LIMCH1: variants seen among roughly 807,000 people sequenced by gnomAD.
LIMCH1 encodes LIM and calponin homology domains-containing protein 1.
LIMCH1 carries 113 observed loss-of-function variants against 176.5 expected under a neutral mutation model. That is an observed-to-expected ratio of 0.64 (90% CI 0.55 to 0.75). The LOEUF (loss-of-function observed/expected upper bound fraction) is 0.75. LIMCH1 is among the 30% of genes least tolerant of loss of function. The pLI is 0.00. For missense variants in LIMCH1, 1,674 were observed against 1,814.9 expected, an observed-to-expected ratio of 0.92 and a Z score of 1.41; for synonymous variants, 619 against 645.9, an observed-to-expected ratio of 0.96 and a Z score of 0.63.
intron 1 of LIMCH1, among the ~76,000 whole-genome samples, chr4:41,449,866 G>T (rs1478712361): frequency 6.6e-6 from 1 of 152,214 alleles, no homozygotes; most frequent in East Asian, 1.9e-4. Flanking sequence ...TGGCAGGGTT[G>T]ATGTCTTCTG....
intron 22 of LIMCH1, among the ~76,000 whole-genome samples, chr4:41,672,283 T>G (rs555895522): frequency 2.6e-5 from 4 of 152,008 alleles, no homozygotes; most frequent in Admixed American, 2.6e-4. Flanking sequence ...GGCAGGAGAA[T>G]TGCTTCAACC....
intron 19 of LIMCH1, chr4:41,661,965 G>A (rs1181713175): frequency 5.3e-5 from 19 of 361,852 alleles, no homozygotes; most frequent in South Asian, 2.2e-5. Context: ...TACTGTATTC[G>A]TTGTTTTAGG....
intron 1 of LIMCH1, among the ~76,000 whole-genome samples, chr4:41,382,554 G>A (rs2055843996): frequency 6.6e-6 from 1 of 152,142 alleles, no homozygotes; most frequent in Non-Finnish European, 1.5e-5. Context: ...CTGAATTAGG[G>A]AATTAGGAGA....
At chr4:41,679,909 A>G in intron 23 of LIMCH1, 97 bp from the exon 24 acceptor site, 1 of 685,716 alleles carries the variant, frequency 1.5e-6, no homozygotes, top group Non-Finnish European at 2.5e-6. Context: ...GAAGAAGATA[A>G]TCTTGCAACA....
At chr4:41,551,835 G>A (rs971600041) in intron 1 of LIMCH1, among the ~76,000 whole-genome samples, 4 of 152,120 alleles carry the variant, frequency 2.6e-5, no homozygotes, top group African/African-American at 9.7e-5. Flanking sequence ...ATGGACCACA[G>A]AGCCTGAAAT....
chr4:41,375,590 T>G (rs528340554), intron 1 of LIMCH1, among the ~76,000 whole-genome samples: 22 of 152,244 alleles, frequency 1.4e-4, no homozygotes, highest in Non-Finnish European at 2.9e-4. Flanking sequence ...GATATCTATT[T>G]TTTGGAGCCT....
intron 1 of LIMCH1, among the ~76,000 whole-genome samples, chr4:41,450,482 A>G (rs1445576066): frequency 6.6e-6 from 1 of 152,084 alleles, no homozygotes; most frequent in Non-Finnish European, 1.5e-5. Context: ...AAGTTAAAGA[A>G]CATTTAATTT....
chr4:41,535,223 T>C (rs2077773210), upstream of LIMCH1, among the ~76,000 whole-genome samples: 1 of 150,744 alleles, frequency 6.6e-6, no homozygotes, highest in Non-Finnish European at 1.5e-5. Context: ...TGACAATTCA[T>C]TGAGATATCA....
At chr4:41,490,251 A>AT (rs142555723) in intron 1 of LIMCH1, among the ~76,000 whole-genome samples, 29 of 135,194 alleles carry the variant, frequency 2.1e-4, no homozygotes, top group Non-Finnish European at 3.1e-4. Context: ...CTCTGCTGCT[A>AT]TTTTTTTTTC....
At chr4:41,684,284 C>A in intron 26 of LIMCH1, 113 bp from the exon 27 acceptor site, 1 of 786,330 alleles carries the variant, frequency 1.3e-6, no homozygotes, top group Non-Finnish European at 1.9e-6. Flanking sequence ...TAAAGAGTCC[C>A]ATCTCTTTTT....
At chr4:41,396,530 T>G (rs957980756) in intron 1 of LIMCH1, among the ~76,000 whole-genome samples, 2 of 151,766 alleles carry the variant, frequency 1.3e-5, no homozygotes, top group Admixed American at 6.6e-5. Flanking sequence ...TTTTTTTTTG[T>G]TTTGTTTTCT....
chr4:41,655,917 C>T (rs1332552013), intron 18 of LIMCH1, among the ~76,000 whole-genome samples: 3 of 152,072 alleles, frequency 2.0e-5, no homozygotes, highest in Admixed American at 2.0e-4. Context: ...GACTCCCACC[C>T]ATCGACCCCT....
At chr4:41,397,343 A>T (rs2057903768) in intron 1 of LIMCH1, among the ~76,000 whole-genome samples, 1 of 152,182 alleles carries the variant, frequency 6.6e-6, no homozygotes, top group African/African-American at 2.4e-5. Flanking sequence ...GGCATGAGAT[A>T]TATATCCTCG....
intron 29 of LIMCH1, 44 bp downstream of exon 29, chr4:41,687,961 C>T (rs892645220): frequency 6.8e-7 from 1 of 1,460,898 alleles, no homozygotes; most frequent in Admixed American, 1.7e-5. Flanking sequence ...TTTGTTATGA[C>T]TAGAGCTTGC....
intron 1 of LIMCH1, among the ~76,000 whole-genome samples, chr4:41,577,952 G>T (rs551409220): frequency 6.6e-6 from 1 of 152,200 alleles, no homozygotes; most frequent in African/African-American, 2.4e-5. Context: ...ATGTTGCAAT[G>T]GGCATTCTTT....
intron 10 of LIMCH1, among the ~76,000 whole-genome samples, chr4:41,632,113 GT>G (rs1390225633): frequency 1.3e-5 from 2 of 152,144 alleles, no homozygotes; most frequent in African/African-American, 2.4e-5. Flanking sequence ...AGGCCACCCA[GT>G]TTTGAGTTCC....
intron 1 of LIMCH1, among the ~76,000 whole-genome samples, chr4:41,439,758 G>C (rs2062502000): frequency 6.6e-6 from 1 of 151,960 alleles, no homozygotes; most frequent in Admixed American, 6.6e-5. Flanking sequence ...CAAAAAATGA[G>C]GCGGGCATGG....
At chr4:41,569,001 TA>T (rs60634214) in intron 1 of LIMCH1, among the ~76,000 whole-genome samples, 5,322 of 152,000 alleles carry the variant, frequency 0.035, 297 homozygotes, top group African/African-American at 0.12. Context: ...CTCATATAAT[TA>T]AAAAAAACAA....
chr4:41,381,242 G>A (rs1411556774), intron 1 of LIMCH1, among the ~76,000 whole-genome samples: 3 of 152,168 alleles, frequency 2.0e-5, no homozygotes, highest in Non-Finnish European at 4.4e-5. Context: ...TGGAGGCCAA[G>A]GTAACTAAAT....
Sources: gnomAD v4.1 joint callset for allele counts (sites outside exome capture counted in the v4.1 genomes callset) on GRCh38, gnomAD v4.1.1 for gene constraint, MANE v1.5 for transcripts, NCBI Gene and HGNC (gene_info 2026-07-23, HGNC 2026-07-21) for gene names.